Variants in MECOM observed in about 807,000 individuals in gnomAD.
The protein encoded by MECOM is histone-lysine N-methyltransferase MECOM.
A neutral mutation model predicts 116.3 loss-of-function variants in MECOM; 13 were observed. The ratio of observed to expected loss-of-function variants is 0.11; its 90% CI spans 0.07 to 0.18. The LOEUF (loss-of-function observed/expected upper bound fraction) is 0.18, where lower values mean the gene tolerates loss of function less well. Among genes scored for constraint, MECOM ranks in the 10% least tolerant of loss-of-function variants. MECOM has a pLI of 1.00. For synonymous variants in MECOM, 528 were observed against 535.2 expected, an observed-to-expected ratio of 0.99 and a Z score of 0.19; for missense variants, 1,299 against 1,509.0, an observed-to-expected ratio of 0.86 and a Z score of 2.31.
chr3:169,559,511 G>A (rs1485715668), intron 1 of MECOM, among the ~76,000 whole-genome samples: 2 of 152,148 alleles, frequency 1.3e-5, no homozygotes, highest in Non-Finnish European at 2.9e-5. Flanking sequence ...ACCTCCTGGG[G>A]TGTACACTTT....
rs79762671 is a variant in MECOM at position 169,174,632 on chromosome 3, C to T, written c.376-30800G>A. ...TCAGGTTAATGCAGGGATTTTATTG[C>T]TAAATCATGATTTCTTGCACACTCT... is the stretch of plus-strand genomic sequence containing the variant. On this transcript the variant is annotated intron_variant, in intron 2 of 16. Transcript: ENST00000651503. Among the ~76,000 whole-genome samples, 1,220 of 152,192 alleles carry T rather than the reference C, an allele frequency of 8.0e-3. 8 individuals carry two copies. The highest frequency in any genetic ancestry group is 0.021 in the South Asian group (102 of 4,820).
intron 2 of MECOM, among the ~76,000 whole-genome samples, chr3:169,306,756 T>C (rs542191490): frequency 3.0e-4 from 46 of 152,334 alleles, no homozygotes; most frequent in Non-Finnish European, 6.5e-4. Flanking sequence ...GTCCTGGTTT[T>C]TCTCCTGCTG....
chr3:169,209,103 C>T (rs776010801), intron 2 of MECOM, among the ~76,000 whole-genome samples: 1 of 152,120 alleles, frequency 6.6e-6, no homozygotes, highest in Non-Finnish European at 1.5e-5. Flanking sequence ...GAAAGGATTC[C>T]CTATTTAATA....
chr3:169,478,333 T>C (rs1445780879), intron 1 of MECOM, among the ~76,000 whole-genome samples: 1 of 152,186 alleles, frequency 6.6e-6, no homozygotes, highest in East Asian at 1.9e-4. Flanking sequence ...ATGGTTTTTG[T>C]CATGTGTACT....
chr3:169,618,754 G>A (rs1055751563), intron 1 of MECOM, among the ~76,000 whole-genome samples: 4 of 152,126 alleles, frequency 2.6e-5, no homozygotes, highest in Admixed American at 2.6e-4. Context: ...AAAAAAATCA[G>A]AATAATTCTG....
intron 8 of MECOM, among the ~76,000 whole-genome samples, chr3:169,113,640 TA>T (rs1248524602): frequency 6.6e-6 from 1 of 151,916 alleles, no homozygotes; most frequent in Non-Finnish European, 1.5e-5. Flanking sequence ...ATTAAGCACA[TA>T]GGGAAATAAT....
At chr3:169,395,993 C>T (rs1045317186) in intron 1 of MECOM, among the ~76,000 whole-genome samples, 2 of 152,060 alleles carry the variant, frequency 1.3e-5, no homozygotes, top group Non-Finnish European at 2.9e-5. Flanking sequence ...CTTAAGGAGT[C>T]CAGAAACTAT....
chr3:169,310,090 A>C (rs1401069179), intron 2 of MECOM, among the ~76,000 whole-genome samples: 5 of 152,202 alleles, frequency 3.3e-5, no homozygotes, highest in Admixed American at 3.3e-4. Flanking sequence ...TGTAACTACT[A>C]AAAGTAACCA....
intron 1 of MECOM, among the ~76,000 whole-genome samples, chr3:169,504,516 C>G (rs916841433): frequency 3.3e-5 from 5 of 152,124 alleles, no homozygotes; most frequent in Non-Finnish European, 7.3e-5. Context: ...AACTATAATT[C>G]TATTCCACTT....
At chr3:169,493,821 G>A (rs970263226) in intron 1 of MECOM, among the ~76,000 whole-genome samples, 4 of 152,106 alleles carry the variant, frequency 2.6e-5, no homozygotes, top group African/African-American at 9.7e-5. Context: ...CAAGATAAAG[G>A]GCAGGAGAGT....
At chr3:169,506,720 A>G (rs1302909225) in intron 1 of MECOM, among the ~76,000 whole-genome samples, 6 of 152,188 alleles carry the variant, frequency 3.9e-5, no homozygotes, top group African/African-American at 1.4e-4. Context: ...CTTTCATCTA[A>G]CAGCCACAGA....
chr3:169,464,056 CCACCT>C lies in MECOM; in HGVS notation c.38-82537_38-82533del, dbSNP rs1284969525. ...CAGGCAGAAGAGAAGACTCACATGCCCACCTCACCGGCCAAAGAACCCTTGAGAGC... is the reference window on the plus strand; with the variant it reads ...CAGGCAGAAGAGAAGACTCACATGCCCACCGGCCAAAGAACCCTTGAGAGC... On this transcript the variant is annotated intron_variant, in intron 1 of 16. Coordinates refer to ENST00000651503, the MANE Select transcript of MECOM (RefSeq NM_004991.4). The C allele has an allele frequency of 3.3e-5, 5 of 152,226 alleles. No homozygotes were observed. In the East Asian group the frequency reaches 9.6e-4, roughly 29 times the overall value. The allele number at this position is 152,226 out of a possible 1,614,324, so 9.4% of individuals were successfully genotyped here.
intron 10 of MECOM, among the ~76,000 whole-genome samples, chr3:169,107,283 T>G (rs900677459): frequency 2.0e-5 from 3 of 152,160 alleles, no homozygotes; most frequent in Non-Finnish European, 4.4e-5. Context: ...CAGTATTCTT[T>G]GTATCCTGAA....
At chr3:169,169,395 T>TTCACA (rs1271625422) in intron 2 of MECOM, among the ~76,000 whole-genome samples, 1 of 152,166 alleles carries the variant, frequency 6.6e-6, no homozygotes, top group Non-Finnish European at 1.5e-5. Flanking sequence ...AAATAATCAA[T>TTCACA]ATGATATGAC....
chr3:169,340,762 G>C (rs765675201), intron 2 of MECOM, among the ~76,000 whole-genome samples: 1 of 152,214 alleles, frequency 6.6e-6, no homozygotes, highest in Non-Finnish European at 1.5e-5. Flanking sequence ...TAATGAAAGT[G>C]TGTCAGCTCC....
At chr3:169,154,219 A>C (rs545542323) in intron 2 of MECOM, among the ~76,000 whole-genome samples, 1 of 152,156 alleles carries the variant, frequency 6.6e-6, no homozygotes, top group African/African-American at 2.4e-5. Flanking sequence ...CCTAAAAACG[A>C]GGGTAGGAAC....
chr3:169,303,972 G>A (rs1717236380), intron 2 of MECOM, among the ~76,000 whole-genome samples: 1 of 152,192 alleles, frequency 6.6e-6, no homozygotes, highest in Admixed American at 6.5e-5. Flanking sequence ...CAAGAAATGT[G>A]GTTGCTTTCA....
chr3:169,597,582 T>C (rs908159221), intron 1 of MECOM, among the ~76,000 whole-genome samples: 31 of 152,344 alleles, frequency 2.0e-4, no homozygotes, highest in African/African-American at 7.5e-4. Context: ...CATGTTGGGT[T>C]TTTTTCTTTC....
intron 1 of MECOM, among the ~76,000 whole-genome samples, chr3:169,571,229 C>T (rs1008769505): frequency 1.3e-5 from 2 of 152,112 alleles, no homozygotes; most frequent in African/African-American, 2.4e-5. Flanking sequence ...CATGAGTGAA[C>T]TCCCATTCAC....
Sources: allele counts gnomAD v4.1 joint callset (sites outside exome capture counted in the v4.1 genomes callset), GRCh38; gene constraint gnomAD v4.1.1; transcripts MANE v1.5; gene names NCBI Gene and HGNC (gene_info 2026-07-23, HGNC 2026-07-21).